Variants in MICAL3 observed in about 807,000 individuals in gnomAD.
The protein encoded by MICAL3 is [F-actin]-monooxygenase MICAL3.
In MICAL3, 62 loss-of-function variants were observed where a neutral mutation model predicts 207.4. The observed-to-expected ratio is 0.30, with a 90% CI of 0.24 to 0.37. The LOEUF (loss-of-function observed/expected upper bound fraction) is 0.37. Ranked by LOEUF, MICAL3 falls within the 10% of genes least tolerant of loss-of-function variation. The pLI is 1.00. For synonymous variants in MICAL3, 1,077 were observed against 1,069.3 expected (o/e 1.01, Z -0.14); for missense variants, 2,368 against 2,635.6 (o/e 0.90, Z 2.22).
intron 22 of MICAL3, among the ~76,000 whole-genome samples, chr22:17,826,271 G>T (rs1048874668): frequency 2.2e-5 from 3 of 136,154 alleles, no homozygotes; most frequent in Admixed American, 7.0e-5. Context: ...GCCCTGAAGG[G>T]GGGGTGTGCG....
Position 17,950,166 on chromosome 22 carries a change from A to ATTTTTTTTTTT in MICAL3, c.-74-43291_-74-43281dup, listed in dbSNP as rs10657913. Among the ~76,000 whole-genome samples, 636 of 143,980 alleles carry ATTTTTTTTTTT rather than the reference A, an allele frequency of 4.4e-3. 18 individuals carry two copies. The highest frequency in any genetic ancestry group is 0.016 in the African/African-American group (600 of 37,782). 94.5% of individuals were successfully genotyped at this position (143,980 alleles called of 152,430 possible). On this transcript the variant is annotated intron_variant, in intron 1 of 31. Transcript: ENST00000441493. The stretch of plus-strand genomic sequence containing the variant: ...GGTCATTCACAGGGTACAGCTGTCT[A>ATTTTTTTTTTT]TTTTTTTTTTTGGAGACAAGAGTCT...
In MICAL3 at chr22:17,789,079, G is replaced by A. The variant is rs1601902445; in HGVS notation, c.*1653C>T. 2.0e-5 allele frequency: 3 copies of A among 152,448 alleles called. No homozygotes were observed. The highest frequency in any genetic ancestry group is 3.9e-4 in the East Asian group (2 of 5,188). 9.4% of individuals were successfully genotyped at this position (152,448 alleles called of 1,614,324 possible). A position where few individuals can be genotyped will look rare whatever the true frequency, so the allele number is the denominator to read the frequency against. On this transcript the variant is annotated 3_prime_UTR_variant, in exon 32 of 32. Transcript: ENST00000441493. The stretch of plus-strand genomic sequence containing the variant: ...GAGCTGTACACAGCCAGGCTGGTGC[G>A]GAACCGTGAGAAAGGAACAGTTTGG...
chr22:17,965,229 G>C (rs1486327211), intron 1 of MICAL3, among the ~76,000 whole-genome samples: 3 of 149,808 alleles, frequency 2.0e-5, no homozygotes, highest in African/African-American at 7.4e-5. Context: ...CTGTGCCTGA[G>C]AATGGCTGTG....
intron 1 of MICAL3, among the ~76,000 whole-genome samples, chr22:17,913,837 C>T (rs145536236): frequency 6.6e-6 from 1 of 152,286 alleles, no homozygotes; most frequent in African/African-American, 2.4e-5. Flanking sequence ...TCACCCCAAA[C>T]ACATTAAAAT....
intron 20 of MICAL3, among the ~76,000 whole-genome samples, chr22:17,836,764 C>A (rs986528675): frequency 6.6e-6 from 1 of 152,058 alleles, no homozygotes; most frequent in Admixed American, 6.5e-5. Flanking sequence ...CCTGCCTCAG[C>A]CTCTCGAGCA....
intron 20 of MICAL3, among the ~76,000 whole-genome samples, chr22:17,837,302 T>C (rs1923501384): frequency 6.6e-6 from 1 of 152,226 alleles, no homozygotes; most frequent in South Asian, 2.1e-4. Flanking sequence ...CGTGGTGTTA[T>C]TCTGAAAGAG....
At chr22:17,952,296 C>T (rs1934386846) in intron 1 of MICAL3, among the ~76,000 whole-genome samples, 1 of 152,200 alleles carries the variant, frequency 6.6e-6, no homozygotes, top group Non-Finnish European at 1.5e-5. Flanking sequence ...CCCCACTCTC[C>T]TCGCCAGACC....
rs2061799078 is a variant in MICAL3 at position 17,787,711 on chromosome 22, C to T, written c.*3021G>A. On this transcript the variant is annotated 3_prime_UTR_variant, in exon 32 of 32. Transcript: ENST00000441493. ...CATTCCCTTTGTGGGTCAGATGTTA[C>T]CACCTTTAAAAAAATGTTTTTTAAC... The T allele has an allele frequency of 6.6e-6, 1 of 152,236 alleles. No individual in the cohort carries two copies. The highest frequency in any genetic ancestry group is 1.5e-5 in the Non-Finnish European group (1 of 68,044). 9.4% of individuals were successfully genotyped at this position (152,236 alleles called of 1,614,324 possible).
chr22:17,930,799 G>A (rs985706222), intron 1 of MICAL3, among the ~76,000 whole-genome samples: 9 of 152,218 alleles, frequency 5.9e-5, no homozygotes, highest in Non-Finnish European at 1.3e-4. Context: ...TGAAGCAGTG[G>A]CCATGAGGTG....
intron 9 of MICAL3, 53 bp downstream of exon 9, chr22:17,896,193 A>G: frequency 2.0e-6 from 2 of 994,026 alleles, no homozygotes. Flanking sequence ...AGAGTAAACC[A>G]CTCCTTCTTC....
chr22:17,831,826 G>C, intron 21 of MICAL3, 28 bp downstream of exon 21: 1 of 1,544,520 alleles, frequency 6.5e-7, no homozygotes, highest in African/African-American at 1.4e-5. Flanking sequence ...GGGCAGGGCA[G>C]AGTTCGGAGC....
At chr22:17,908,371 G>A (rs878864904) in intron 1 of MICAL3, among the ~76,000 whole-genome samples, 3 of 151,890 alleles carry the variant, frequency 2.0e-5, no homozygotes, top group Admixed American at 2.0e-4. Flanking sequence ...ACAGTGGTGC[G>A]ATCTCTGCTC....
intron 16 of MICAL3, among the ~76,000 whole-genome samples, chr22:17,877,279 G>T (rs111213220): frequency 2.3e-3 from 148 of 65,294 alleles, no homozygotes; most frequent in East Asian, 2.9e-3. Context: ...ATGGAGGTTA[G>T]GGAGGTTATG....
intron 1 of MICAL3, among the ~76,000 whole-genome samples, chr22:17,950,166 A>ATTTTTTTTTTTTTTTTT (rs10657913): frequency 2.8e-4 from 41 of 143,990 alleles, no homozygotes; most frequent in South Asian, 6.6e-4. Context: ...ACAGCTGTCT[A>ATTTTTTTTTTTTTTTTT]TTTTTTTTTT....
At chr22:17,814,053 G>A (rs2145997807) in intron 27 of MICAL3, 1 of 152,264 alleles carries the variant, frequency 6.6e-6, no homozygotes, top group East Asian at 1.9e-4. Flanking sequence ...ACAAAACCCA[G>A]GCTCTTGTTT....
intron 1 of MICAL3, among the ~76,000 whole-genome samples, chr22:17,933,504 C>A (rs1054434350): frequency 2.0e-5 from 3 of 152,008 alleles, no homozygotes; most frequent in African/African-American, 7.3e-5. Flanking sequence ...CACTAAATGC[C>A]CACAAGAGAA....
Position 17,966,821 on chromosome 22 carries a change from G to T in MICAL3, c.-75+57460C>A, listed in dbSNP as rs532712375. On this transcript the variant is annotated intron_variant, in intron 1 of 31. Coordinates refer to ENST00000441493, the MANE Select transcript of MICAL3 (RefSeq NM_015241.3). ...CAGTGTAGCCTGAGCCTTGCTAAATGTGCAGCTGGAACTCAGGAAGCAGCT... is the reference window on the plus strand; with the variant it reads ...CAGTGTAGCCTGAGCCTTGCTAAATTTGCAGCTGGAACTCAGGAAGCAGCT... Among the ~76,000 whole-genome samples the T allele has an allele frequency of 1.2e-4, 18 of 152,356 alleles. No homozygotes were observed. The South Asian group carries it at 3.7e-3, about 32-fold the overall frequency.
intron 16 of MICAL3, among the ~76,000 whole-genome samples, chr22:17,885,264 C>T (rs1443934373): frequency 1.3e-5 from 2 of 152,248 alleles, no homozygotes; most frequent in Admixed American, 6.5e-5. Context: ...ATCATAAGAA[C>T]GCTTATCCAA....
chr22:17,985,933 G>C (rs886690439), intron 1 of MICAL3, among the ~76,000 whole-genome samples: 9 of 151,120 alleles, frequency 6.0e-5, no homozygotes, highest in African/African-American at 7.4e-5. Context: ...TTTTGAGACA[G>C]TCTCACTCTG....
Sources: gnomAD v4.1 joint callset for allele counts (sites outside exome capture counted in the v4.1 genomes callset) on GRCh38, gnomAD v4.1.1 for gene constraint, MANE v1.5 for transcripts, NCBI Gene and HGNC (gene_info 2026-07-23, HGNC 2026-07-21) for gene names.